NUBPL: variants seen among roughly 807,000 people sequenced by gnomAD.
NUBPL encodes the protein NUBP iron-sulfur cluster assembly factor, mitochondrial, also known as iron-sulfur cluster transfer protein NUBPL.
In NUBPL, 31 loss-of-function variants were observed where a neutral mutation model predicts 45.7. The ratio of observed to expected loss-of-function variants is 0.68; its 90% CI spans 0.51 to 0.92. The LOEUF is 0.92. Ranked by LOEUF, NUBPL falls within the 40% of genes least tolerant of loss-of-function variation. The probability of loss-of-function intolerance (pLI) is 0.00; values close to 1 mark genes in which losing one functional copy is unlikely to be tolerated. For missense variants in NUBPL, 401 were observed against 398.7 expected, an observed-to-expected ratio of 1.01 and a Z score of -0.05; for synonymous variants, 144 against 140.9, an observed-to-expected ratio of 1.02 and a Z score of -0.15.
chr14:31,726,961 C>G (rs1378442182), intron 6 of NUBPL, among the ~76,000 whole-genome samples: 1 of 151,962 alleles, frequency 6.6e-6, no homozygotes, highest in Admixed American at 6.5e-5. Context: ...AGTAGCAACC[C>G]CCACCCCCAC....
intron 7 of NUBPL, among the ~76,000 whole-genome samples, chr14:31,806,729 G>A (rs79673808): frequency 2.0e-5 from 3 of 151,944 alleles, no homozygotes; most frequent in South Asian, 2.1e-4. Flanking sequence ...CCATTAACTC[G>A]TCATTTACAT....
intron 4 of NUBPL, among the ~76,000 whole-genome samples, chr14:31,614,297 G>C (rs1366605986): frequency 1.3e-5 from 2 of 152,142 alleles, no homozygotes; most frequent in East Asian, 3.8e-4. Context: ...AACTACTATT[G>C]TTGGGCAAGA....
chr14:31,836,499 A>G (rs2040283780), intron 8 of NUBPL, among the ~76,000 whole-genome samples: 1 of 152,212 alleles, frequency 6.6e-6, no homozygotes, highest in Non-Finnish European at 1.5e-5. Flanking sequence ...CACAAGATGT[A>G]AGGCTTATTT....
chr14:31,588,439 G>A (rs1287403231), intron 3 of NUBPL, among the ~76,000 whole-genome samples: 1 of 151,508 alleles, frequency 6.6e-6, no homozygotes, highest in Non-Finnish European at 1.5e-5. Flanking sequence ...GTCTTAAAAT[G>A]TCTTTATTGT....
chr14:31,651,144 GT>G (rs1277317741), intron 4 of NUBPL, among the ~76,000 whole-genome samples: 1 of 151,152 alleles, frequency 6.6e-6, no homozygotes, highest in Non-Finnish European at 1.5e-5. Context: ...ATTTTTTTTT[GT>G]TTTTTGAGAC....
At chr14:31,628,101 C>A (rs1171591365) in intron 4 of NUBPL, among the ~76,000 whole-genome samples, 1 of 152,138 alleles carries the variant, frequency 6.6e-6, no homozygotes, top group Non-Finnish European at 1.5e-5. Context: ...CAGCCCCATA[C>A]AGACATGTAG....
intron 7 of NUBPL, among the ~76,000 whole-genome samples, chr14:31,806,033 C>G (rs2039679103): frequency 6.6e-6 from 1 of 152,122 alleles, no homozygotes; most frequent in Non-Finnish European, 1.5e-5. Flanking sequence ...CTAAAAACCA[C>G]TTTTAAATTC....
At chr14:31,827,288 T>G (rs755244912) in intron 8 of NUBPL, among the ~76,000 whole-genome samples, 1 of 152,014 alleles carries the variant, frequency 6.6e-6, no homozygotes, top group Non-Finnish European at 1.5e-5. Flanking sequence ...TACCGTGACT[T>G]TTCTAGCAGC....
At chr14:31,751,027 A>G (rs2038515060) in intron 6 of NUBPL, among the ~76,000 whole-genome samples, 1 of 152,114 alleles carries the variant, frequency 6.6e-6, no homozygotes, top group South Asian at 2.1e-4. Context: ...AAACCATCAG[A>G]TTTCATGAGA....
At chr14:31,807,938 T>A (rs1488977949) in intron 7 of NUBPL, among the ~76,000 whole-genome samples, 1 of 152,184 alleles carries the variant, frequency 6.6e-6, no homozygotes, top group East Asian at 1.9e-4. Context: ...GTTGTAGATG[T>A]GTGGTATTAT....
At chr14:31,763,913 A>G (rs1286179367) in intron 6 of NUBPL, among the ~76,000 whole-genome samples, 1 of 152,240 alleles carries the variant, frequency 6.6e-6, no homozygotes, top group Non-Finnish European at 1.5e-5. Flanking sequence ...TTTTAAACTG[A>G]CAGTCATGAT....
chr14:31,640,049 T>C (rs1283352987), intron 4 of NUBPL, among the ~76,000 whole-genome samples: 1 of 152,158 alleles, frequency 6.6e-6, no homozygotes, highest in African/African-American at 2.4e-5. Context: ...AGCGAGGCAG[T>C]GCCTCGCCCT....
rs544720929 is a variant in NUBPL, at chr14:31,778,636, A to G, written c.514-9144A>G. On this transcript the variant is annotated intron_variant, in intron 6 of 10. Coordinates refer to ENST00000281081, the MANE Select transcript of NUBPL (RefSeq NM_025152.3). Reference sequence around the variant, plus strand: ...TGATATAATTTTTCCAGTAAGGTTTAACTACTGCCATTGCTGTGACCTATC... The same window carrying G: ...TGATATAATTTTTCCAGTAAGGTTTGACTACTGCCATTGCTGTGACCTATC... 1.7e-3 allele frequency among the ~76,000 whole-genome samples: 260 copies of G among 152,324 alleles called. 3 individuals are homozygous for G. The highest frequency in any genetic ancestry group is 3.4e-3 in the Middle Eastern group (1 of 294).
intron 6 of NUBPL, among the ~76,000 whole-genome samples, chr14:31,760,144 T>TGTGTGTGAGAGAGA: frequency 2.9e-5 from 1 of 34,830 alleles, no homozygotes; most frequent in African/African-American, 1.1e-4. Flanking sequence ...TGTGTGTGTG[T>TGTGTGTGAGAGAGA]GAGAGAGAGA....
intron 3 of NUBPL, among the ~76,000 whole-genome samples, chr14:31,574,034 C>A (rs2033655426): frequency 1.3e-5 from 2 of 152,104 alleles, no homozygotes; most frequent in African/African-American, 4.8e-5. Flanking sequence ...AAAATATACA[C>A]AGCAAATTCC....
intron 4 of NUBPL, among the ~76,000 whole-genome samples, chr14:31,636,416 C>G (rs961395380): frequency 1.3e-5 from 2 of 152,200 alleles, no homozygotes; most frequent in African/African-American, 4.8e-5. Flanking sequence ...TATATTGAAC[C>G]AGCTTTGCAT....
intron 6 of NUBPL, among the ~76,000 whole-genome samples, chr14:31,787,334 T>C: frequency 6.6e-6 from 1 of 152,188 alleles, no homozygotes; most frequent in East Asian, 1.9e-4. Context: ...TTTTTATTAT[T>C]AAGTTTTGGG....
chr14:31,805,512 A>T (rs79511499), intron 7 of NUBPL, among the ~76,000 whole-genome samples: 8,611 of 152,288 alleles, frequency 0.057, 333 homozygotes, highest in African/African-American at 0.095. Context: ...TATGGAATCA[A>T]CCTAAATGCC....
intron 6 of NUBPL, among the ~76,000 whole-genome samples, chr14:31,674,051 A>C (rs1363820920): frequency 6.6e-6 from 1 of 152,218 alleles, no homozygotes; most frequent in Non-Finnish European, 1.5e-5. Context: ...CATGTGTAAT[A>C]TCTGTCCAAT....
Sources: allele counts gnomAD v4.1 joint callset (sites outside exome capture counted in the v4.1 genomes callset), GRCh38; gene constraint gnomAD v4.1.1; transcripts MANE v1.5; gene names NCBI Gene and HGNC (gene_info 2026-07-23, HGNC 2026-07-21).